Variants in LRP1B observed in about 807,000 individuals in gnomAD.
LRP1B encodes the protein low-density lipoprotein receptor-related protein 1B.
LRP1B carries 217 observed loss-of-function variants against 556.6 expected under a neutral mutation model. That is an observed-to-expected ratio of 0.39 (90% confidence interval 0.35 to 0.44). LRP1B has a LOEUF of 0.44. Ranked by LOEUF, LRP1B falls within the 20% of genes least tolerant of loss-of-function variation. LRP1B has a pLI of 1.00. For synonymous variants in LRP1B, 2,047 were observed against 1,865.8 expected (o/e 1.10, Z -2.50); for missense variants, 5,053 against 5,620.8 (o/e 0.90, Z 3.23).
intron 57 of LRP1B, among the ~76,000 whole-genome samples, chr2:140,488,920 G>C (rs751429485): frequency 1.3e-5 from 2 of 151,870 alleles, no homozygotes; most frequent in Non-Finnish European, 2.9e-5. Flanking sequence ...GGAGAAAGAG[G>C]AAAGTAAATC....
chr2:141,969,914 CTTT>C (rs143462223), intron 1 of LRP1B, among the ~76,000 whole-genome samples: 70 of 150,780 alleles, frequency 4.6e-4, no homozygotes, highest in African/African-American at 1.6e-3. Context: ...TACAAGGGCT[CTTT>C]TTTTTTCCAC....
intron 2 of LRP1B, among the ~76,000 whole-genome samples, chr2:141,791,079 G>T (rs891027199): frequency 9.2e-5 from 14 of 151,684 alleles, no homozygotes; most frequent in African/African-American, 1.7e-4. Flanking sequence ...AATTATTTTT[G>T]ATATTTTTAT....
chr2:140,828,100 C>T (rs1691571857), intron 31 of LRP1B, among the ~76,000 whole-genome samples: 1 of 151,628 alleles, frequency 6.6e-6, no homozygotes, highest in African/African-American at 2.4e-5. Flanking sequence ...CTAGATCCAT[C>T]CTACAAAAAA....
At chr2:141,404,315 A>G (rs1437427541) in intron 3 of LRP1B, among the ~76,000 whole-genome samples, 1 of 152,196 alleles carries the variant, frequency 6.6e-6, no homozygotes, top group Non-Finnish European at 1.5e-5. Flanking sequence ...AAGAAAAATC[A>G]GTTTTCTTTT....
intron 18 of LRP1B, among the ~76,000 whole-genome samples, chr2:140,961,158 T>G (rs901020410): frequency 1.3e-5 from 2 of 152,004 alleles, no homozygotes; most frequent in Non-Finnish European, 2.9e-5. Context: ...CCTTATGTTT[T>G]TACATTATCC....
chr2:141,775,453 G>C (rs867492511), intron 2 of LRP1B, among the ~76,000 whole-genome samples: 1 of 152,114 alleles, frequency 6.6e-6, no homozygotes, highest in Non-Finnish European at 1.5e-5. Flanking sequence ...TAACTAATTA[G>C]TTAAATAAAA....
chr2:141,458,134 ATCT>A (rs951991170), intron 3 of LRP1B, among the ~76,000 whole-genome samples: 46 of 152,282 alleles, frequency 3.0e-4, no homozygotes, highest in African/African-American at 1.1e-3. Flanking sequence ...AAGGGTAAAA[ATCT>A]TCTTATTTTA....
Position 141,136,391 on chromosome 2 carries a change from G to T in LRP1B, c.1013+52030C>A, listed in dbSNP as rs73962823. Among the ~76,000 whole-genome samples, 826 of 151,850 alleles carry T rather than the reference G, an allele frequency of 5.4e-3. 5 individuals are homozygous for T. Among genetic ancestry groups the T allele is most frequent in the African/African-American group, 0.019 (798 of 41,488 alleles). On this transcript the variant is annotated intron_variant, in intron 7 of 90. Transcript: ENST00000389484. ...CATATGAAAATCAGATTCCTAAGTTGCACAGTAATATGAATGTCAACAAAT... is the reference window on the plus strand; with the variant it reads ...CATATGAAAATCAGATTCCTAAGTTTCACAGTAATATGAATGTCAACAAAT...
intron 43 of LRP1B, among the ~76,000 whole-genome samples, chr2:140,563,492 T>C (rs1023682892): frequency 1.3e-5 from 2 of 152,174 alleles, no homozygotes; most frequent in Non-Finnish European, 2.9e-5. Flanking sequence ...CAGTTCACAA[T>C]TGTACAGCTC....
chr2:141,723,926 G>C (rs1692935355), intron 2 of LRP1B, among the ~76,000 whole-genome samples: 1 of 151,526 alleles, frequency 6.6e-6, no homozygotes, highest in Non-Finnish European at 1.5e-5. Flanking sequence ...CACTAATCAG[G>C]CCAAGTGATG....
At chr2:141,279,971 C>T (rs995761119) in intron 3 of LRP1B, among the ~76,000 whole-genome samples, 5 of 151,986 alleles carry the variant, frequency 3.3e-5, no homozygotes, top group African/African-American at 1.2e-4. Flanking sequence ...GACTGTGGGT[C>T]CCTTATCTCT....
chr2:141,034,967 A>AG (rs1698488236), intron 11 of LRP1B, among the ~76,000 whole-genome samples: 1 of 152,016 alleles, frequency 6.6e-6, no homozygotes, highest in Admixed American at 6.6e-5. Context: ...CAAATGTCCA[A>AG]CAATGATAGA....
intron 3 of LRP1B, among the ~76,000 whole-genome samples, chr2:141,304,362 C>A (rs145757260): frequency 5.9e-4 from 89 of 151,746 alleles, no homozygotes; most frequent in African/African-American, 2.0e-3. Context: ...GAAGTCTTAC[C>A]GTTAAATTTT....
At chr2:141,967,596 A>G (rs1298659304) in intron 1 of LRP1B, among the ~76,000 whole-genome samples, 2 of 151,782 alleles carry the variant, frequency 1.3e-5, no homozygotes, top group Non-Finnish European at 2.9e-5. Flanking sequence ...TATAAATTAG[A>G]CAGTCAGAGA....
chr2:140,399,894 C>G (rs546081354), intron 66 of LRP1B, among the ~76,000 whole-genome samples: 16 of 152,284 alleles, frequency 1.1e-4, no homozygotes, highest in African/African-American at 3.6e-4. Flanking sequence ...CACACTTAGA[C>G]AGTCTTTGGT....
intron 1 of LRP1B, among the ~76,000 whole-genome samples, chr2:141,889,170 A>G (rs1016420241): frequency 1.3e-5 from 2 of 152,072 alleles, no homozygotes; most frequent in Non-Finnish European, 2.9e-5. Flanking sequence ...TCTACATAAT[A>G]ATGCTTAAGT....
intron 1 of LRP1B, among the ~76,000 whole-genome samples, chr2:141,975,828 GA>G (rs1045513547): frequency 1.3e-5 from 2 of 152,040 alleles, no homozygotes; most frequent in Non-Finnish European, 2.9e-5. Context: ...TTAGTCCAGG[GA>G]AACCGTAAAG....
At chr2:140,653,072 C>T (rs962148303) in intron 41 of LRP1B, among the ~76,000 whole-genome samples, 1 of 151,990 alleles carries the variant, frequency 6.6e-6, no homozygotes, top group Non-Finnish European at 1.5e-5. Flanking sequence ...TAATAAGCAT[C>T]ATCAAGACAA....
At chr2:141,043,125 T>C (rs1698753853) in intron 11 of LRP1B, among the ~76,000 whole-genome samples, 1 of 150,076 alleles carries the variant, frequency 6.7e-6, no homozygotes, top group Admixed American at 6.7e-5. Context: ...ATCACTTGAG[T>C]GCAGGAGGAG....
Sources: gnomAD v4.1 joint callset for allele counts (sites outside exome capture counted in the v4.1 genomes callset) on GRCh38, gnomAD v4.1.1 for gene constraint, MANE v1.5 for transcripts, NCBI Gene and HGNC (gene_info 2026-07-23, HGNC 2026-07-21) for gene names.